The following VPS13B variants were observed in gnomAD, a reference collection of about 807,000 sequenced individuals.
VPS13B encodes the protein vacuolar protein sorting 13 homolog B.
In VPS13B, 285 loss-of-function variants were observed where a neutral mutation model predicts 426.4. The ratio of observed to expected loss-of-function variants is 0.67; its 90% CI spans 0.61 to 0.74. VPS13B has a LOEUF of 0.74. Among genes scored for constraint, VPS13B ranks in the 30% least tolerant of loss-of-function variants. The pLI, the probability that VPS13B is intolerant of heterozygous loss-of-function variation, is 0.00. For synonymous variants in VPS13B, 1,676 were observed against 1,676.4 expected (o/e 1.00, Z 0.01); for missense variants, 4,537 against 4,782.6 (o/e 0.95, Z 1.51).
chr8:99,611,787 T>G (rs1393265375), intron 33 of VPS13B, among the ~76,000 whole-genome samples: 1 of 152,116 alleles, frequency 6.6e-6, no homozygotes, highest in Non-Finnish European at 1.5e-5. Flanking sequence ...AACATTGTTT[T>G]CTTTCCAGAA....
chr8:99,832,702 C>A, intron 52 of VPS13B, 50 bp downstream of exon 52: 2 of 1,584,740 alleles, frequency 1.3e-6, no homozygotes, highest in Non-Finnish European at 1.7e-6. Flanking sequence ...GTCAGTCTAG[C>A]TGTTCATCTA....
chr8:99,808,149 G>C (rs1813499753), intron 43 of VPS13B, among the ~76,000 whole-genome samples: 1 of 152,034 alleles, frequency 6.6e-6, no homozygotes, highest in Non-Finnish European at 1.5e-5. Context: ...CCTTTGGTTA[G>C]CTCTGTTAAA....
intron 30 of VPS13B, among the ~76,000 whole-genome samples, chr8:99,526,803 T>C (rs1354468250): frequency 6.6e-6 from 1 of 152,170 alleles, no homozygotes; most frequent in Non-Finnish European, 1.5e-5. Flanking sequence ...ATTAAACCAG[T>C]GATTCCTAAA....
chr8:99,822,122 TATC>T (rs1814406272), intron 50 of VPS13B, among the ~76,000 whole-genome samples: 1 of 152,206 alleles, frequency 6.6e-6, no homozygotes, highest in Non-Finnish European at 1.5e-5. Context: ...GAAAGTACAA[TATC>T]ATAGTGTACC....
chr8:99,234,239 G>A, intron 17 of VPS13B: 1 of 773,320 alleles, frequency 1.3e-6, no homozygotes, highest in East Asian at 2.4e-5. Flanking sequence ...TGGCTATTTT[G>A]CTTCTTCCCT....
intron 42 of VPS13B, among the ~76,000 whole-genome samples, chr8:99,780,435 C>G (rs989717094): frequency 1.3e-5 from 2 of 152,136 alleles, no homozygotes; most frequent in African/African-American, 4.8e-5. Flanking sequence ...AAAATACTCT[C>G]TTAGACACAG....
chr8:99,251,822 C>G lies in VPS13B; in HGVS notation c.2516-22376C>G, dbSNP rs574772556. ...TACTTTTTGGGTTCATTTTTCTTCCCCTTGAAGAATTGATTCATCTAGTCA... is the reference window on the plus strand; with the variant it reads ...TACTTTTTGGGTTCATTTTTCTTCCGCTTGAAGAATTGATTCATCTAGTCA... On this transcript the variant is annotated intron_variant, in intron 17 of 61. Transcript: ENST00000357162. Among the ~76,000 whole-genome samples the G allele has an allele frequency of 5.3e-5, 8 of 151,856 alleles. No individual in the cohort carries two copies. The East Asian group carries it at 7.7e-4, about 15-fold the overall frequency.
intron 21 of VPS13B, among the ~76,000 whole-genome samples, chr8:99,422,642 A>G (rs186407749): frequency 4.6e-5 from 7 of 152,326 alleles, no homozygotes; most frequent in Admixed American, 2.6e-4. Context: ...AATAATTACT[A>G]ATGTACAGAA....
chr8:99,751,511 C>G (rs921289468), intron 39 of VPS13B, among the ~76,000 whole-genome samples: 4 of 152,102 alleles, frequency 2.6e-5, no homozygotes, highest in Non-Finnish European at 5.9e-5. Context: ...CTATTTATTA[C>G]GTTTGTAAGT....
chr8:99,640,408 A>AG (rs1313669415), intron 33 of VPS13B, among the ~76,000 whole-genome samples: 1 of 151,940 alleles, frequency 6.6e-6, no homozygotes, highest in African/African-American at 2.4e-5. Context: ...CTGGGACCAC[A>AG]GGGGCACACC....
At chr8:99,166,480 TTC>T (rs1321032785) in intron 15 of VPS13B, among the ~76,000 whole-genome samples, 6 of 152,226 alleles carry the variant, frequency 3.9e-5, no homozygotes, top group African/African-American at 1.4e-4. Context: ...TTGGTTTTTG[TTC>T]TGTTTTCTTA....
chr8:99,425,149 G>T (rs540898140), intron 21 of VPS13B, among the ~76,000 whole-genome samples: 2 of 152,238 alleles, frequency 1.3e-5, no homozygotes, highest in Admixed American at 1.3e-4. Flanking sequence ...AGGATGAGCT[G>T]GTACCATTCC....
At chr8:99,439,067 T>C (rs957143021) in intron 22 of VPS13B, among the ~76,000 whole-genome samples, 2 of 152,134 alleles carry the variant, frequency 1.3e-5, no homozygotes, top group Admixed American at 6.6e-5. Flanking sequence ...ATGAAATAGC[T>C]TGTCAAATAT....
At chr8:99,120,772 C>T (rs1847895209) in intron 7 of VPS13B, among the ~76,000 whole-genome samples, 1 of 151,366 alleles carries the variant, frequency 6.6e-6, no homozygotes, top group Middle Eastern at 3.2e-3. Context: ...TTTCTTGGGT[C>T]TTTGTGGTAT....
chr8:99,244,961 CCTT>C (rs902052361), intron 17 of VPS13B, among the ~76,000 whole-genome samples: 2 of 152,048 alleles, frequency 1.3e-5, no homozygotes, highest in African/African-American at 4.8e-5. Flanking sequence ...ATTGAGTAGT[CCTT>C]CTTTGTTATC....
In VPS13B at chr8:99,504,659, A is replaced by G. The variant is rs148036016; in HGVS notation, c.4157+1709A>G. Among the ~76,000 whole-genome samples the G allele has an allele frequency of 3.4e-3, 522 of 152,306 alleles. 2 individuals carry two copies. Among genetic ancestry groups the G allele is most frequent in the African/African-American group, 0.012 (500 of 41,566 alleles). ...AGACCATGCTGTAAACAGATGTGCTATCATCCAAGCTTAGTTGTTCCCATG... is the reference window on the plus strand; with the variant it reads ...AGACCATGCTGTAAACAGATGTGCTGTCATCCAAGCTTAGTTGTTCCCATG... On this transcript the variant is annotated intron_variant, in intron 27 of 61. Coordinates refer to ENST00000357162, the MANE Select transcript of VPS13B (RefSeq NM_152564.5).
intron 36 of VPS13B, 105 bp from the exon 37 acceptor site, chr8:99,717,066 T>C: frequency 8.5e-7 from 1 of 1,178,460 alleles, no homozygotes; most frequent in Non-Finnish European, 1.2e-6. Context: ...GCAAGACGAC[T>C]CTGACAAAGG....
At position 99,717,158 on chromosome 8, in the gene VPS13B, AT is replaced by A. The variant is rs398124337; in HGVS notation, c.6455-4del. 7.6e-5 allele frequency: 119 copies of A among 1,573,484 alleles called. No homozygotes were observed. The highest frequency in any genetic ancestry group is 2.7e-4 in the East Asian group (12 of 44,186). On this transcript the variant is annotated splice_polypyrimidine_tract_variant and intron_variant, in intron 36 of 61. Coordinates refer to ENST00000357162, the MANE Select transcript of VPS13B (RefSeq NM_152564.5). ...AAGGATGAATTATATACTCTTCTGT[AT>A]TTTTTTTTCAGGCATAATTCTTGGG...
intron 17 of VPS13B, among the ~76,000 whole-genome samples, chr8:99,223,398 C>A (rs1314704765): frequency 1.3e-5 from 2 of 152,082 alleles, no homozygotes; most frequent in African/African-American, 4.8e-5. Flanking sequence ...CTTGTACATA[C>A]TTGCTATCTA....
Sources: allele counts gnomAD v4.1 joint callset (sites outside exome capture counted in the v4.1 genomes callset), GRCh38; gene constraint gnomAD v4.1.1; transcripts MANE v1.5; gene names NCBI Gene and HGNC (gene_info 2026-07-23, HGNC 2026-07-21).